The following CCDC170 variants were observed in gnomAD, a reference collection of about 807,000 sequenced individuals.
The protein encoded by CCDC170 is coiled-coil domain containing 170, also known as coiled-coil domain-containing protein 170.
Under a neutral mutation model 72.6 loss-of-function variants are expected in CCDC170, and 69 were observed. That is an observed-to-expected ratio of 0.95 (90% CI 0.78 to 1.16). The LOEUF is 1.16. CCDC170 is among the 50% of genes most tolerant of loss of function. The pLI, the probability that CCDC170 is intolerant of heterozygous loss-of-function variation, is 0.00. For synonymous variants in CCDC170, 300 were observed against 303.9 expected, an observed-to-expected ratio of 0.99 and a Z score of 0.13; for missense variants, 852 against 832.5, an observed-to-expected ratio of 1.02 and a Z score of -0.29.
In CCDC170 at chr6:151,576,303, G is replaced by T. The variant is rs569013259; in HGVS notation, c.1092+2812G>T. 5.3e-5 allele frequency among the ~76,000 whole-genome samples: 8 copies of T among 152,252 alleles called. No individual in the cohort carries two copies. The South Asian group carries it at 1.7e-3, about 32-fold the overall frequency. ...GAAGCCATGATATTCGGTAGGTTAG[G>T]TATATTAAATGCATTTCTGACTTAA... is the stretch of plus-strand genomic sequence containing the variant. On this transcript the variant is annotated intron_variant, in intron 6 of 10. Transcript: ENST00000239374.
chr6:151,557,198 G>A (rs1782994007), intron 5 of CCDC170, among the ~76,000 whole-genome samples: 2 of 152,022 alleles, frequency 1.3e-5, no homozygotes, highest in South Asian at 4.1e-4. Context: ...CATGACGTAA[G>A]GAGACCGAGA....
intron 5 of CCDC170, among the ~76,000 whole-genome samples, chr6:151,571,249 T>A (rs540867353): frequency 1.3e-4 from 20 of 152,280 alleles, no homozygotes; most frequent in African/African-American, 4.8e-4. Context: ...CTCATTTAGA[T>A]GTAGAGTCTG....
chr6:151,615,380 A>G (rs1562300978), intron 9 of CCDC170, 63 bp from the exon 10 acceptor site: 2 of 1,129,516 alleles, frequency 1.8e-6, no homozygotes, highest in Non-Finnish European at 1.3e-6. Context: ...CTGATTTGTC[A>G]TGTTTATACA....
intron 5 of CCDC170, among the ~76,000 whole-genome samples, chr6:151,571,101 A>G (rs1431347129): frequency 2.6e-5 from 4 of 152,198 alleles, no homozygotes; most frequent in African/African-American, 9.6e-5. Context: ...TATGTTTCCT[A>G]TAAAAAATAG....
intron 1 of CCDC170, among the ~76,000 whole-genome samples, chr6:151,502,644 T>C (rs895435436): frequency 6.6e-6 from 1 of 152,194 alleles, no homozygotes; most frequent in Non-Finnish European, 1.5e-5. Flanking sequence ...ATTGTTGAAA[T>C]CTTATGAATG....
At chr6:151,601,243 T>C (rs940895414) in intron 9 of CCDC170, among the ~76,000 whole-genome samples, 2 of 152,152 alleles carry the variant, frequency 1.3e-5, no homozygotes, top group African/African-American at 4.8e-5. Flanking sequence ...TTATTCACTA[T>C]CATGAGAAAA....
intron 6 of CCDC170, among the ~76,000 whole-genome samples, chr6:151,576,046 C>A (rs531038740): frequency 2.6e-5 from 4 of 152,288 alleles, no homozygotes; most frequent in African/African-American, 7.2e-5. Context: ...ATTTCCAGCT[C>A]ATGAAAATTT....
intron 1 of CCDC170, among the ~76,000 whole-genome samples, chr6:151,500,798 CA>C (rs1781982950): frequency 6.6e-6 from 1 of 151,858 alleles, no homozygotes; most frequent in East Asian, 1.9e-4. Flanking sequence ...TTGGCAGAAG[CA>C]AAAATCTATA....
intron 1 of CCDC170, among the ~76,000 whole-genome samples, chr6:151,500,742 A>G (rs1196080867): frequency 6.6e-6 from 1 of 152,172 alleles, no homozygotes; most frequent in Non-Finnish European, 1.5e-5. Context: ...ATAATTCTAA[A>G]TGTATATGTT....
At chr6:151,547,297 G>T (rs1782791425) in intron 4 of CCDC170, among the ~76,000 whole-genome samples, 1 of 152,176 alleles carries the variant, frequency 6.6e-6, no homozygotes. Flanking sequence ...CTCGCCTAGA[G>T]ATTTCATTTT....
At chr6:151,550,311 G>T (rs912217708) in intron 5 of CCDC170, among the ~76,000 whole-genome samples, 1 of 152,074 alleles carries the variant, frequency 6.6e-6, no homozygotes, top group African/African-American at 2.4e-5. Context: ...GATAAAGGGA[G>T]CCTCCTTGTG....
chr6:151,516,892 T>A (rs963775710), intron 1 of CCDC170, among the ~76,000 whole-genome samples: 6 of 152,202 alleles, frequency 3.9e-5, no homozygotes, highest in Non-Finnish European at 8.8e-5. Flanking sequence ...ACTGTGCACA[T>A]GCTTTGGCAA....
intron 1 of CCDC170, among the ~76,000 whole-genome samples, chr6:151,522,908 ATTCTTTTATTCCT>A (rs941738088): frequency 2.0e-5 from 3 of 152,134 alleles, no homozygotes; most frequent in Non-Finnish European, 2.9e-5. Flanking sequence ...GAGAGTAGCC[ATTCTTTTATTCCT>A]TTACTTTCTT....
chr6:151,502,919 C>T (rs1312917603), intron 1 of CCDC170, among the ~76,000 whole-genome samples: 2 of 152,104 alleles, frequency 1.3e-5, no homozygotes, highest in Non-Finnish European at 2.9e-5. Flanking sequence ...CCTGTAATCC[C>T]AGCACTTTGG....
intron 9 of CCDC170, among the ~76,000 whole-genome samples, chr6:151,612,259 A>T (rs1776884893): frequency 6.6e-6 from 1 of 152,198 alleles, no homozygotes; most frequent in Admixed American, 6.5e-5. Context: ...TCAGATGCTC[A>T]GCCACAGTGA....
intron 7 of CCDC170, among the ~76,000 whole-genome samples, chr6:151,592,289 G>T (rs1354419549): frequency 6.6e-6 from 1 of 152,182 alleles, no homozygotes; most frequent in African/African-American, 2.4e-5. Flanking sequence ...GAACCTGGGA[G>T]GCGGAGGCTG....
At chr6:151,604,117 A>G (rs1342322048) in intron 9 of CCDC170, among the ~76,000 whole-genome samples, 1 of 152,146 alleles carries the variant, frequency 6.6e-6, no homozygotes, top group African/African-American at 2.4e-5. Flanking sequence ...GGAAACACCA[A>G]AAGGGATTAA....
intron 9 of CCDC170, among the ~76,000 whole-genome samples, chr6:151,596,890 G>A (rs112803511): frequency 0.029 from 4,405 of 152,238 alleles, 177 homozygotes; most frequent in African/African-American, 0.093. Flanking sequence ...GCAATGACGT[G>A]ATCTTGGCTC....
intron 1 of CCDC170, among the ~76,000 whole-genome samples, chr6:151,494,485 C>A (rs1781880374): frequency 6.6e-6 from 1 of 152,186 alleles, no homozygotes; most frequent in African/African-American, 2.4e-5. Context: ...CCCGCCACCC[C>A]TGGGAGCAAA....
Sources: gnomAD v4.1 joint callset for allele counts (sites outside exome capture counted in the v4.1 genomes callset) on GRCh38, gnomAD v4.1.1 for gene constraint, MANE v1.5 for transcripts, NCBI Gene and HGNC (gene_info 2026-07-23, HGNC 2026-07-21) for gene names.